POM121: variants seen among roughly 807,000 people sequenced by gnomAD.
The protein encoded by POM121 is nuclear envelope pore membrane protein POM 121.
POM121 carries 32 observed loss-of-function variants against 81.3 expected under a neutral mutation model. The observed-to-expected ratio is 0.39, with a 90% CI of 0.30 to 0.53. The LOEUF is 0.53. Ranked by LOEUF, POM121 falls within the 20% of genes least tolerant of loss-of-function variation. The probability of loss-of-function intolerance (pLI) is 0.66; values close to 1 mark genes in which losing one functional copy is unlikely to be tolerated. For synonymous variants in POM121, 514 were observed against 694.2 expected (o/e 0.74, Z 4.08); for missense variants, 1,138 against 1,614.6 (o/e 0.70, Z 5.06).
At chr7:72,900,515 T>C (rs1197654932) in intron 3 of POM121, among the ~76,000 whole-genome samples, 1 of 152,326 alleles carries the variant, frequency 6.6e-6, no homozygotes, top group East Asian at 1.9e-4. Flanking sequence ...TTTTAATTTT[T>C]ATTTTTTGAG....
At chr7:72,909,420 T>A (rs1554493921) in intron 3 of POM121, among the ~76,000 whole-genome samples, 1 of 152,224 alleles carries the variant, frequency 6.6e-6, no homozygotes, top group African/African-American at 2.4e-5. Flanking sequence ...TGGTTCTTAG[T>A]ATGAGGAATA....
chr7:72,927,997 G>T (rs1406909195), intron 3 of POM121, among the ~76,000 whole-genome samples: 1 of 152,144 alleles, frequency 6.6e-6, no homozygotes, highest in East Asian at 1.9e-4. Context: ...CTGGAGCCCA[G>T]TTGCTCAAGA....
intron 3 of POM121, among the ~76,000 whole-genome samples, chr7:72,893,115 G>A (rs1791471690): frequency 2.6e-5 from 4 of 152,052 alleles, no homozygotes; most frequent in Admixed American, 1.3e-4. Context: ...GCACCATCAC[G>A]CCCGGCCTAT....
chr7:72,950,069 G>C (rs1311773204), downstream of POM121: 14 of 1,573,704 alleles, frequency 8.9e-6, no homozygotes, highest in Non-Finnish European at 1.2e-5. Context: ...CTGTCCTGCA[G>C]AATGAGGTGT....
intron 3 of POM121, among the ~76,000 whole-genome samples, chr7:72,899,616 T>C (rs1197533647): frequency 6.7e-6 from 1 of 149,710 alleles, no homozygotes; most frequent in Non-Finnish European, 1.5e-5. Flanking sequence ...TCTCGCTCTG[T>C]CGCCCAGGCT....
intron 3 of POM121, among the ~76,000 whole-genome samples, chr7:72,927,242 TAA>T (rs1288098494): frequency 1.3e-5 from 2 of 152,204 alleles, no homozygotes; most frequent in African/African-American, 4.8e-5. Flanking sequence ...AGAAATGTGT[TAA>T]AGTTTATTTT....
At chr7:72,908,295 G>A (rs1455633760) in intron 3 of POM121, among the ~76,000 whole-genome samples, 2 of 152,084 alleles carry the variant, frequency 1.3e-5, no homozygotes, top group African/African-American at 4.8e-5. Flanking sequence ...ATCACATGTC[G>A]GCAGGTTCCG....
At chr7:72,910,537 G>A (rs1793706211) in intron 3 of POM121, among the ~76,000 whole-genome samples, 1 of 151,932 alleles carries the variant, frequency 6.6e-6, no homozygotes, top group African/African-American at 2.4e-5. Context: ...GGTTGTGGAT[G>A]GTCAGCAGGG....
At chr7:72,882,835 C>T (rs565066753) in intron 1 of POM121, among the ~76,000 whole-genome samples, 4 of 152,186 alleles carry the variant, frequency 2.6e-5, no homozygotes, top group African/African-American at 9.6e-5. Context: ...CTAAGTCAGT[C>T]AGTAAAGGTG....
chr7:72,913,621 A>T (rs1480938595), intron 3 of POM121: 2 of 152,406 alleles, frequency 1.3e-5, no homozygotes, highest in Non-Finnish European at 2.9e-5. Flanking sequence ...CCCAGAGCAC[A>T]TGGCACCTTC....
At chr7:72,895,028 G>C (rs575511306) in intron 3 of POM121, among the ~76,000 whole-genome samples, 1 of 152,126 alleles carries the variant, frequency 6.6e-6, no homozygotes, top group African/African-American at 2.4e-5. Context: ...GAGTCTTGCT[G>C]TGTTGCTCAG....
At chr7:72,937,306 GGTA>G (rs1796608953) in intron 5 of POM121, among the ~76,000 whole-genome samples, 1 of 152,106 alleles carries the variant, frequency 6.6e-6, no homozygotes, top group Non-Finnish European at 1.5e-5. Context: ...GAACCAGTGA[GGTA>G]GTGTCAGGGA....
At chr7:72,896,485 C>CA (rs1375713053) in intron 3 of POM121, among the ~76,000 whole-genome samples, 5 of 132,548 alleles carry the variant, frequency 3.8e-5, no homozygotes, top group South Asian at 2.6e-4. Context: ...GACCCTTTCT[C>CA]AAAAAAAAGA....
rs545561737 is a variant in POM121, at chr7:72,911,359, A to G, written c.-215-2406A>G. On this transcript the variant is annotated intron_variant, in intron 3 of 15. Transcript: ENST00000395270. ...AATGGGTGTGCTTATTCCATCTCCT[A>G]TGGAACTGGAAACAACATTTGGCAT... Among the ~76,000 whole-genome samples the G allele has an allele frequency of 4.8e-3, 724 of 152,352 alleles. 4 individuals carry two copies. Among genetic ancestry groups the G allele is most frequent in the Middle Eastern group, 0.031 (9 of 294 alleles).
chr7:72,917,971 CAG>C (rs371285842), intron 4 of POM121, among the ~76,000 whole-genome samples: 96 of 149,050 alleles, frequency 6.4e-4, no homozygotes, highest in Non-Finnish European at 6.9e-4. Context: ...GCAGCCGAGT[CAG>C]AGAGAGAGAG....
chr7:72,887,763 G>T (rs1233538615), intron 1 of POM121, among the ~76,000 whole-genome samples: 1 of 152,164 alleles, frequency 6.6e-6, no homozygotes, highest in African/African-American at 2.4e-5. Context: ...GGAGACAGAG[G>T]TTGCAGTGAG....
rs36029915 is a variant in POM121 at position 72,898,795 on chromosome 7, C to CAAA, written c.-216+7705_-216+7707dup. On this transcript the variant is annotated intron_variant, in intron 3 of 15. Coordinates refer to the POM121 transcript ENST00000395270. Reference sequence around the variant, plus strand: ...CCTGGGTGACAGAGTGAGACTGTCTCAAAAAAAAAAAAAAAAAAAAAATGC... The same window carrying CAAA: ...CCTGGGTGACAGAGTGAGACTGTCTCAAAAAAAAAAAAAAAAAAAAAAAAATGC... 5.2e-3 allele frequency among the ~76,000 whole-genome samples: 295 copies of CAAA among 57,172 alleles called. 6 individuals carry two copies. The highest frequency in any genetic ancestry group is 0.018 in the African/African-American group (258 of 14,418). The allele number at this position is 57,172 out of a possible 152,430, so 37.5% of individuals were successfully genotyped here. A position where few individuals can be genotyped will look rare whatever the true frequency, so the allele number is the denominator to read the frequency against.
intron 3 of POM121, among the ~76,000 whole-genome samples, chr7:72,900,421 C>G (rs1336303512): frequency 1.4e-5 from 2 of 145,004 alleles, no homozygotes; most frequent in East Asian, 4.1e-4. Context: ...TTTAATTGAT[C>G]TTTTCGAAGA....
chr7:72,890,268 G>A (rs1157928058), intron 1 of POM121, among the ~76,000 whole-genome samples: 1 of 152,164 alleles, frequency 6.6e-6, no homozygotes, highest in Admixed American at 6.6e-5. Flanking sequence ...GGGAGCGCCT[G>A]GCAGCAAAGA....
Sources: allele counts gnomAD v4.1 joint callset (sites outside exome capture counted in the v4.1 genomes callset), GRCh38; gene constraint gnomAD v4.1.1; transcripts MANE v1.5; gene names NCBI Gene and HGNC (gene_info 2026-07-23, HGNC 2026-07-21).